The following SV2B variants were observed in gnomAD, a reference collection of about 807,000 sequenced individuals.
The protein encoded by SV2B is synaptic vesicle glycoprotein 2B.
In SV2B, 41 loss-of-function variants were observed where a neutral mutation model predicts 73.9. The observed-to-expected ratio is 0.56, with a 90% confidence interval of 0.43 to 0.72. The LOEUF (loss-of-function observed/expected upper bound fraction) is 0.72. SV2B is among the 30% of genes least tolerant of loss of function. The probability of loss-of-function intolerance (pLI) is 0.00; values close to 1 mark genes in which losing one functional copy is unlikely to be tolerated. For missense variants in SV2B, 764 were observed against 857.8 expected, an observed-to-expected ratio of 0.89 and a Z score of 1.37; for synonymous variants, 314 against 314.2, an observed-to-expected ratio of 1.00 and a Z score of 0.01.
chr15:91,291,006 C>A (rs1433023734), intron 12 of SV2B, among the ~76,000 whole-genome samples: 5 of 150,704 alleles, frequency 3.3e-5, no homozygotes, highest in Admixed American at 2.6e-4. Context: ...AGAGACAGAC[C>A]CTGTCTCAGA....
At position 91,121,803 on chromosome 15, in the gene SV2B, C is replaced by A. The variant is rs2042344417; in HGVS notation, c.-392+21440C>A. Among the ~76,000 whole-genome samples, 1 of 145,784 alleles carries A rather than the reference C, an allele frequency of 6.9e-6. No homozygotes were observed. Among genetic ancestry groups the A allele is most frequent in the Admixed American group, 6.9e-5 (1 of 14,428 alleles). On this transcript the variant is annotated intron_variant, in intron 1 of 12. Transcript: ENST00000394232. This position sits in a 1 kb window ranked among gnomAD's most constrained non-coding sequence, Gnocchi z 4.4. ...TTTTTTTTTTTTTTTGAGATGGAGT[C>A]TCGCTCTGTCACCCAGGCTGGAGTG... is the stretch of plus-strand genomic sequence containing the variant.
intron 1 of SV2B, among the ~76,000 whole-genome samples, chr15:91,146,928 C>A (rs2043163067): frequency 6.6e-6 from 1 of 152,192 alleles, no homozygotes; most frequent in Admixed American, 6.5e-5. Flanking sequence ...AAATGGTGCA[C>A]AGAATGCCTC....
Position 91,124,059 on chromosome 15 carries a change from G to A in SV2B, c.-392+23696G>A, listed in dbSNP as rs2042409879. On this transcript the variant is annotated intron_variant, in intron 1 of 12. Coordinates refer to ENST00000394232, the MANE Select transcript of SV2B (RefSeq NM_001323032.3). The surrounding 1 kb of genome is among the most constrained non-coding windows in gnomAD (Gnocchi z 4.6). ...GAAAATACTTTGTCCATGTCACCTT[G>A]TTGCACTCCTCATTATGGGAAAATC... Among the ~76,000 whole-genome samples, 1 of 152,142 alleles carries A rather than the reference G, an allele frequency of 6.6e-6. No homozygotes were observed. The highest frequency in any genetic ancestry group is 1.5e-5 in the Non-Finnish European group (1 of 68,026).
rs1014025670 is a variant in SV2B, at chr15:91,106,840, G to T, written c.-392+6477G>T. Among the ~76,000 whole-genome samples, 1 of 152,186 alleles carries T rather than the reference G, an allele frequency of 6.6e-6. No homozygotes were observed. Among genetic ancestry groups the T allele is most frequent in the African/African-American group, 2.4e-5 (1 of 41,444 alleles). ...AATTTATGCCGAGTGTCACCAGCTT[G>T]CTTGAGAAACCCCACATCTACAGTA... On this transcript the variant is annotated intron_variant, in intron 1 of 12. Coordinates refer to ENST00000394232, the MANE Select transcript of SV2B (RefSeq NM_001323032.3). This position sits in a 1 kb window ranked among gnomAD's most constrained non-coding sequence, Gnocchi z 4.4.
intron 1 of SV2B, among the ~76,000 whole-genome samples, chr15:91,158,347 G>T (rs912378363): frequency 2.6e-5 from 4 of 152,182 alleles, no homozygotes; most frequent in Non-Finnish European, 4.4e-5. Context: ...CTCTAATCTG[G>T]GCTAGGGGGA....
chr15:91,184,376 A>G (rs1380341601), intron 1 of SV2B, among the ~76,000 whole-genome samples: 1 of 152,190 alleles, frequency 6.6e-6, no homozygotes, highest in East Asian at 1.9e-4. Context: ...GTAACTTCTC[A>G]ATCAATGTTA....
chr15:91,104,470 T>C (rs2041822930), intron 1 of SV2B, among the ~76,000 whole-genome samples: 1 of 152,176 alleles, frequency 6.6e-6, no homozygotes, highest in South Asian at 2.1e-4. Flanking sequence ...AATGACAAAA[T>C]TAAGGCACAA....
intron 5 of SV2B, 102 bp from the exon 6 acceptor site, chr15:91,260,218 C>T (rs878997690): frequency 1.0e-5 from 10 of 992,440 alleles, no homozygotes; most frequent in South Asian, 8.1e-5. Flanking sequence ...TAGGAATGCT[C>T]GTATCAACAT....
chr15:91,164,564 AT>A (rs1310678538), intron 1 of SV2B, among the ~76,000 whole-genome samples: 1 of 152,200 alleles, frequency 6.6e-6, no homozygotes, highest in Non-Finnish European at 1.5e-5. Context: ...CCTTAACTAT[AT>A]CTGCAGAATT....
In SV2B at chr15:91,106,286, G is replaced by A. The variant is rs2041880842; in HGVS notation, c.-392+5923G>A. 1.3e-5 allele frequency among the ~76,000 whole-genome samples: 2 copies of A among 152,166 alleles called. No homozygotes were observed. The highest frequency in any genetic ancestry group is 4.8e-5 in the African/African-American group (2 of 41,432). On this transcript the variant is annotated intron_variant, in intron 1 of 12. Transcript: ENST00000394232. The surrounding 1 kb of genome is among the most constrained non-coding windows in gnomAD (Gnocchi z 4.4). The stretch of plus-strand genomic sequence containing the variant: ...TTGCATATGAGAGTCTAGAGTTCAG[G>A]GAAGAGTTTCAGGAAGGAGACATAG...
intron 1 of SV2B, among the ~76,000 whole-genome samples, chr15:91,213,979 A>G (rs765189604): frequency 3.9e-4 from 60 of 152,216 alleles, no homozygotes; most frequent in Non-Finnish European, 7.6e-4. Context: ...CCATTTCTCT[A>G]TGTGATTCAG....
rs527448290 is a variant in SV2B at position 91,129,329 on chromosome 15, G to A, written c.-392+28966G>A. On this transcript the variant is annotated intron_variant, in intron 1 of 12. Transcript: ENST00000394232. The surrounding 1 kb of genome is among the most constrained non-coding windows in gnomAD (Gnocchi z 5.1). ...ATAAATGAAATTTACCATTTCATAA[G>A]GTAAAGTGAAAGGAAGGCTGTGGCA... Among the ~76,000 whole-genome samples the A allele has an allele frequency of 8.5e-5, 13 of 152,312 alleles. No homozygotes were observed. Among genetic ancestry groups the A allele is most frequent in the African/African-American group, 2.9e-4 (12 of 41,568 alleles).
chr15:91,235,069 A>G (rs1456859012), intron 2 of SV2B, among the ~76,000 whole-genome samples: 1 of 152,220 alleles, frequency 6.6e-6, no homozygotes, highest in Non-Finnish European at 1.5e-5. Context: ...CTGAGCAACT[A>G]GCAGAATCAC....
chr15:91,281,247 C>T lies in SV2B; in HGVS notation c.1374-481C>T, dbSNP rs952013287. On this transcript the variant is annotated intron_variant, in intron 9 of 12. Transcript: ENST00000394232. The surrounding 1 kb of genome is among the most constrained non-coding windows in gnomAD (Gnocchi z 4.7). The stretch of plus-strand genomic sequence containing the variant: ...CCAAAGAGGCTGCATGGATTATATT[C>T]TACCAATAGTATGAATGAAAGGCCT... Among the ~76,000 whole-genome samples the T allele has an allele frequency of 2.6e-5, 4 of 152,188 alleles. No individual in the cohort carries two copies. Among genetic ancestry groups the T allele is most frequent in the African/African-American group, 7.2e-5 (3 of 41,436 alleles).
rs1279717867 is a variant in SV2B at position 91,118,708 on chromosome 15, A to T, written c.-392+18345A>T. The stretch of plus-strand genomic sequence containing the variant: ...CAAGAAAACTTTATACACAGAAGCC[A>T]CCACATCAGACAGCCCAGTCCAAAC... On this transcript the variant is annotated intron_variant, in intron 1 of 12. Coordinates refer to ENST00000394232, the MANE Select transcript of SV2B (RefSeq NM_001323032.3). The surrounding 1 kb of genome is among the most constrained non-coding windows in gnomAD (Gnocchi z 4.7). Among the ~76,000 whole-genome samples the T allele has an allele frequency of 1.3e-5, 2 of 152,214 alleles. No homozygotes were observed. Among genetic ancestry groups the T allele is most frequent in the Admixed American group, 6.5e-5 (1 of 15,290 alleles).
In SV2B at chr15:91,130,850, T is replaced by G. The variant is rs150903871; in HGVS notation, c.-392+30487T>G. Among the ~76,000 whole-genome samples, 436 of 152,140 alleles carry G rather than the reference T, an allele frequency of 2.9e-3. 5 individuals are homozygous for G. The highest frequency in any genetic ancestry group is 9.5e-3 in the African/African-American group (394 of 41,516). ...GATTGAAGGAAATGTCTTTAGGATG[T>G]GTGATATTTTAGTATTTTTACAGGG... On this transcript the variant is annotated intron_variant, in intron 1 of 12. Coordinates refer to ENST00000394232, the MANE Select transcript of SV2B (RefSeq NM_001323032.3). This position sits in a 1 kb window ranked among gnomAD's most constrained non-coding sequence, Gnocchi z 5.6.
intron 1 of SV2B, among the ~76,000 whole-genome samples, chr15:91,201,072 T>C (rs1596570446): frequency 6.6e-6 from 1 of 152,312 alleles, no homozygotes; most frequent in East Asian, 1.9e-4. Flanking sequence ...TTCAGTAAAA[T>C]GGACATGCTA....
chr15:91,205,279 A>G (rs2045593696), intron 1 of SV2B, among the ~76,000 whole-genome samples: 2 of 152,326 alleles, frequency 1.3e-5, no homozygotes, highest in African/African-American at 2.4e-5. Context: ...GCAGAGCTAC[A>G]CCAAAGAATG....
Position 91,129,740 on chromosome 15 carries a change from T to A in SV2B, c.-392+29377T>A, listed in dbSNP as rs1394539840. 6.6e-6 allele frequency among the ~76,000 whole-genome samples: 1 copy of A among 152,224 alleles called. No individual in the cohort carries two copies. Among genetic ancestry groups the A allele is most frequent in the African/African-American group, 2.4e-5 (1 of 41,460 alleles). On this transcript the variant is annotated intron_variant, in intron 1 of 12. Transcript: ENST00000394232. This position sits in a 1 kb window ranked among gnomAD's most constrained non-coding sequence, Gnocchi z 5.1. ...GATGGAGGCAGTATAACTTCGTGGC[T>A]TCTGGCCTGTGCCCTGGAGTTGGAG...
Sources: allele counts gnomAD v4.1 joint callset (sites outside exome capture counted in the v4.1 genomes callset), GRCh38; gene constraint gnomAD v4.1.1; non-coding constraint Gnocchi (gnomAD v3.1); transcripts MANE v1.5; gene names NCBI Gene and HGNC (gene_info 2026-07-23, HGNC 2026-07-21).